The following GGCX variants were observed in gnomAD, a reference collection of about 807,000 sequenced individuals.
GGCX encodes vitamin K-dependent gamma-carboxylase.
GGCX carries 63 observed loss-of-function variants against 88.5 expected under a neutral mutation model. That is an observed-to-expected ratio of 0.71 (90% confidence interval 0.58 to 0.88). The LOEUF is 0.88. Ranked by LOEUF, GGCX falls within the 40% of genes least tolerant of loss-of-function variation. The pLI is 0.00. For synonymous variants in GGCX, 368 were observed against 365.8 expected, an observed-to-expected ratio of 1.01 and a Z score of -0.07; for missense variants, 805 against 932.9, an observed-to-expected ratio of 0.86 and a Z score of 1.79.
intron 7 of GGCX, chr2:85,553,734 G>A: frequency 1.9e-6 from 1 of 536,336 alleles, no homozygotes; most frequent in Non-Finnish European, 3.3e-6. Flanking sequence ...CAAGTAGCTG[G>A]AATTACAGGC....
rs1410378421 is a variant in GGCX at position 85,558,985 on chromosome 2, G to A, written c.305C>T (p.Pro102Leu). Residue 102 changes from proline to leucine, a missense_variant, in exon 3 of 15, where the codon CCC becomes CTC. Around this residue, in one of 3 missense-constraint regions of GGCX, gnomAD observed 61 missense variants for 111.9 expected, o/e 0.54. Coordinates refer to ENST00000233838, the MANE Select transcript of GGCX (RefSeq NM_000821.7). ...CAGTGGGCGTAGGGCATCCAGCAAG[G>A]GGAAGCGGCACACATCCAGCCCATC... ...YLDGLDVCRFPLLDALRPLPL... is the reference protein window; with the variant it reads ...YLDGLDVCRFLLLDALRPLPL... 6.2e-7 allele frequency: 1 copy of A among 1,613,808 alleles called. No individual in the cohort carries two copies. Among genetic ancestry groups the A allele is most frequent in the Admixed American group, 1.7e-5 (1 of 60,030 alleles).
intron 3 of GGCX, 44 bp from the exon 4 acceptor site, chr2:85,558,649 C>T (rs760153640): frequency 3.4e-6 from 5 of 1,480,628 alleles, no homozygotes; most frequent in South Asian, 1.1e-5. Context: ...GAGATCACCA[C>T]AGGCCCAGTT....
rs189391524 is a variant in GGCX at position 85,545,887 on chromosome 2, A to C, written c.*4047T>G. ...TTCTAGTCAATATCTTGCAGAGATA[A>C]ATAATGCAAATTAGCTGAAAATGCT... On this transcript the variant is annotated 3_prime_UTR_variant, in exon 15 of 15. Transcript: ENST00000233838. The C allele has an allele frequency of 5.3e-5, 8 of 152,374 alleles. No homozygotes were observed. In the East Asian group the frequency reaches 1.5e-3, roughly 29 times the overall value. The allele number at this position is 152,374 out of a possible 1,614,324, so 9.4% of individuals were successfully genotyped here.
intron 14 of GGCX, 125 bp downstream of exon 14, chr2:85,550,430 G>C (rs1382966799): frequency 3.9e-6 from 3 of 761,478 alleles, no homozygotes; most frequent in Non-Finnish European, 6.9e-6. Flanking sequence ...AAGAATGGCA[G>C]GAAAAGATAC....
At chr2:85,552,349 A>C (rs1461711790) in intron 10 of GGCX, 67 bp downstream of exon 10, 2 of 1,399,786 alleles carry the variant, frequency 1.4e-6, no homozygotes, top group East Asian at 4.6e-5. Flanking sequence ...CCAGGAAGCA[A>C]GGGCTGTTCA....
rs121909682 is a variant in GGCX, at chr2:85,552,428, C to T, written c.1427G>A (p.Arg476His). The T allele has an allele frequency of 5.6e-6, 9 of 1,613,744 alleles. No individual in the cohort carries two copies. Among genetic ancestry groups the T allele is most frequent in the African/African-American group, 4.0e-5 (3 of 74,912 alleles). Residue 476 changes from arginine (R) to histidine (H), a missense_variant, in exon 10 of 15, where the codon CGC becomes CAC. Arg to His is a conservative substitution (Grantham distance 29). Around this residue, in one of 3 missense-constraint regions of GGCX, gnomAD observed 680 missense variants for 763.7 expected, o/e 0.89. Transcript: ENST00000233838. ...YFDIWVSIND[R>H]FQQRIFDPRV... Reference sequence around the variant, plus strand: ...TCCCCTTGCCCACCTCTGCTGGAAGCGGTCATTGATGGAGACCCAAATATC... The same window carrying T: ...TCCCCTTGCCCACCTCTGCTGGAAGTGGTCATTGATGGAGACCCAAATATC...
In GGCX at chr2:85,558,467, A is replaced by AAT. The variant is rs761075617; in HGVS notation, c.511_512insAT (p.Leu171HisfsTer2). ...GTAGTGGTTTGCATCCATGAATGTT[A>AAT]GCTGAAAGGCCAACAACCCATACAG... is the stretch of plus-strand genomic sequence containing the variant. On this transcript the variant is annotated frameshift_variant, in exon 4 of 15. Transcript: ENST00000233838. LOFTEE classifies it high-confidence loss of function. 1.9e-6 allele frequency: 3 copies of AAT among 1,614,000 alleles called. No individual in the cohort carries two copies. Among genetic ancestry groups the AAT allele is most frequent in the Non-Finnish European group, 2.5e-6 (3 of 1,179,872 alleles).
At chr2:85,552,613 C>G in intron 9 of GGCX, 46 bp from the exon 10 acceptor site, 1 of 1,571,856 alleles carries the variant, frequency 6.4e-7, no homozygotes, top group Non-Finnish European at 8.7e-7. Flanking sequence ...TTATCAACTT[C>G]CAAGACATGT....
chr2:85,553,120 C>T, intron 8 of GGCX, 50 bp from the exon 9 acceptor site: 2 of 1,613,634 alleles, frequency 1.2e-6, no homozygotes, highest in Non-Finnish European at 1.7e-6. Context: ...TCACACTGAC[C>T]CCATCCCCTA....
rs1691580208 is a variant in GGCX at position 85,544,848 on chromosome 2, C to T, written c.*5086G>A. 1 of 152,594 alleles carries T rather than the reference C, an allele frequency of 6.6e-6. No homozygotes were observed. The highest frequency in any genetic ancestry group is 1.5e-5 in the Non-Finnish European group (1 of 68,034). The allele number at this position is 152,594 out of a possible 1,614,324, so 9.5% of individuals were successfully genotyped here. ...GCGGGGAGGAGGAAATCCCTTCATACTTGAACGTTTTCTAATTGCTTATTT... is the reference window on the plus strand; with the variant it reads ...GCGGGGAGGAGGAAATCCCTTCATATTTGAACGTTTTCTAATTGCTTATTT... On this transcript the variant is annotated 3_prime_UTR_variant, in exon 15 of 15. Coordinates refer to ENST00000233838, the MANE Select transcript of GGCX (RefSeq NM_000821.7).
In GGCX at chr2:85,561,411, C is replaced by A. The variant is rs1178988978; in HGVS notation, c.18G>T (p.Gly6=). The stretch of plus-strand genomic sequence containing the variant: ...CTGAGCTGGGCGAGGTCCGCGCGGA[C>A]CCGGCAGACACCGCCATTGCTCTGC... MAVSA[G]SARTSPSSDK... The change falls in exon 1 of 15, where the codon GGG becomes GGT. Residue 6 remains glycine (G), a synonymous_variant. Transcript: ENST00000233838. 1.3e-6 allele frequency: 2 copies of A among 1,573,710 alleles called. No homozygotes were observed. Among genetic ancestry groups the A allele is most frequent in the South Asian group, 2.3e-5 (2 of 85,724 alleles).
chr2:85,554,278 G>A lies in GGCX; in HGVS notation c.754C>T (p.Leu252=), dbSNP rs1290062330. 1 of 1,613,992 alleles carries A rather than the reference G, an allele frequency of 6.2e-7. No homozygotes were observed. The highest frequency in any genetic ancestry group is 8.5e-7 in the Non-Finnish European group (1 of 1,179,884). ...AGCCCACCCCAGTGCACGACCAGCA[G>A]GCTAGTCAGCTCCTCAGACAACAGC... ...KLLLSEELTS[L]LVVHWGGLLL... is the part of the protein sequence containing the mutation. Residue 252 remains leucine (L), a synonymous_variant, in exon 7 of 15, where the codon CTG becomes TTG. Coordinates refer to ENST00000233838, the MANE Select transcript of GGCX (RefSeq NM_000821.7).
intron 7 of GGCX, among the ~76,000 whole-genome samples, 174 bp downstream of exon 7, chr2:85,553,969 G>A (rs2103968581): frequency 6.6e-6 from 1 of 152,142 alleles, no homozygotes; most frequent in Admixed American, 6.6e-5. Context: ...CATACTAACT[G>A]AGCCCAGAAG....
At position 85,560,797 on chromosome 2, in the gene GGCX, C is replaced by T; in HGVS notation, c.214+18G>A. On this transcript the variant is annotated intron_variant, in intron 2 of 14. Transcript: ENST00000233838. ...TCCACTCTCAACCAAATTGCTCCCA[C>T]CCATAAACTGGACTCACCAAAAAGA... is the stretch of plus-strand genomic sequence containing the variant. 1 of 1,606,162 alleles carries T rather than the reference C, an allele frequency of 6.2e-7. No individual in the cohort carries two copies. Among genetic ancestry groups the T allele is most frequent in the Non-Finnish European group, 8.5e-7 (1 of 1,172,752 alleles).
Position 85,546,538 on chromosome 2 carries a change from C to T in GGCX, c.*3396G>A, listed in dbSNP as rs1022302718. The T allele has an allele frequency of 7.0e-6, 1 of 142,230 alleles. No homozygotes were observed. Among genetic ancestry groups the T allele is most frequent in the African/African-American group, 2.7e-5 (1 of 37,524 alleles). The allele number at this position is 142,230 out of a possible 1,614,324, so 8.8% of individuals were successfully genotyped here. ...TGATACCAGCCTGGCAAACTGAAAC[C>T]CCGTCTCTACCAAAAATACAAAAAA... is the stretch of plus-strand genomic sequence containing the variant. On this transcript the variant is annotated 3_prime_UTR_variant, in exon 15 of 15. Coordinates refer to ENST00000233838, the MANE Select transcript of GGCX (RefSeq NM_000821.7).
intron 2 of GGCX, 80 bp downstream of exon 2, chr2:85,560,735 A>T: frequency 9.2e-7 from 1 of 1,083,296 alleles, no homozygotes; most frequent in Non-Finnish European, 1.4e-6. Flanking sequence ...AAAGGGAGCT[A>T]AGTCTACTTG....
Position 85,550,110 on chromosome 2 carries a change from T to TA in GGCX, c.2100dup (p.Ile701TyrfsTer29). On this transcript the variant is annotated frameshift_variant, in exon 15 of 15. Transcript: ENST00000233838. LOFTEE classifies it high-confidence loss of function. ...CCTAATATCAGATTTCGAAGTGAGA[T>TA]ACAAGTCATCAGGAAGCTGAAAAAC... is the stretch of plus-strand genomic sequence containing the variant. 1 of 1,613,138 alleles carries TA rather than the reference T, an allele frequency of 6.2e-7. No individual in the cohort carries two copies. The highest frequency in any genetic ancestry group is 1.3e-5 in the African/African-American group (1 of 75,002).
intron 4 of GGCX, among the ~76,000 whole-genome samples, chr2:85,556,740 A>T (rs1174246931): frequency 1.3e-5 from 2 of 152,216 alleles, no homozygotes; most frequent in Non-Finnish European, 1.5e-5. Flanking sequence ...AACAGCTTGT[A>T]TTCTGGAAGA....
chr2:85,558,927 G>A lies in GGCX; in HGVS notation c.363C>T (p.Ile121=), dbSNP rs747290353. The A allele has an allele frequency of 1.4e-5, 22 of 1,613,696 alleles. No homozygotes were observed. The highest frequency in any genetic ancestry group is 1.9e-5 in the Non-Finnish European group (22 of 1,179,608). ...PLDWMYLVYT[I]MFLGALGMML... is the part of the protein sequence containing the mutation. ...CACAGTTCCCCTCACCCAGAAACAT[G>A]ATGGTGTAGACAAGATACATCCAGT... Residue 121 remains isoleucine (I), a synonymous_variant, in exon 3 of 15, where the codon ATC becomes ATT. Coordinates refer to ENST00000233838, the MANE Select transcript of GGCX (RefSeq NM_000821.7).
Sources: allele counts gnomAD v4.1 joint callset (sites outside exome capture counted in the v4.1 genomes callset), GRCh38; gene constraint gnomAD v4.1.1; regional missense constraint gnomAD v4.1.1; transcripts MANE v1.5; gene names NCBI Gene and HGNC (gene_info 2026-07-23, HGNC 2026-07-21).